GRB2: variants seen among roughly 807,000 people sequenced by gnomAD.
GRB2 encodes growth factor receptor-bound protein 2.
A neutral mutation model predicts 27.4 loss-of-function variants in GRB2; 2 were observed. That is an observed-to-expected ratio of 0.07 (90% confidence interval 0.03 to 0.23). The LOEUF is 0.23. Among genes scored for constraint, GRB2 ranks in the 10% least tolerant of loss-of-function variants. The pLI, the probability that GRB2 is intolerant of heterozygous loss-of-function variation, is 1.00. For synonymous variants in GRB2, 94 were observed against 99.6 expected (o/e 0.94, Z 0.33); for missense variants, 102 against 282.4 (o/e 0.36, Z 4.58).
At chr17:75,386,708 G>T (rs905612116) in intron 2 of GRB2, among the ~76,000 whole-genome samples, 11 of 152,188 alleles carry the variant, frequency 7.2e-5, no homozygotes, top group African/African-American at 2.2e-4. Context: ...AACATTTCTG[G>T]TCTACTCATA....
intron 2 of GRB2, among the ~76,000 whole-genome samples, chr17:75,345,235 G>A (rs967757375): frequency 2.0e-5 from 3 of 151,786 alleles, no homozygotes; most frequent in Non-Finnish European, 2.9e-5. Flanking sequence ...TAGTAGAGAC[G>A]GGGTTTCACC....
chr17:75,399,912 C>T (rs951461650), intron 1 of GRB2, among the ~76,000 whole-genome samples: 4 of 151,966 alleles, frequency 2.6e-5, no homozygotes, highest in African/African-American at 4.8e-5. Flanking sequence ...CCTCGTGATC[C>T]GCCTGCCTCA....
At chr17:75,344,001 GC>G (rs1406072494) in intron 2 of GRB2, among the ~76,000 whole-genome samples, 4 of 152,234 alleles carry the variant, frequency 2.6e-5, no homozygotes, top group African/African-American at 4.8e-5. Flanking sequence ...TTCCCAAGGA[GC>G]TTAGGGGACT....
At chr17:75,345,538 G>A (rs567690066) in intron 2 of GRB2, among the ~76,000 whole-genome samples, 25 of 152,242 alleles carry the variant, frequency 1.6e-4, no homozygotes, top group African/African-American at 5.8e-4. Flanking sequence ...CTCAAGGCTG[G>A]GGTCCTCCCA....
chr17:75,354,057 G>A (rs771759815), intron 2 of GRB2, among the ~76,000 whole-genome samples: 18 of 151,554 alleles, frequency 1.2e-4, no homozygotes, highest in Non-Finnish European at 1.9e-4. Flanking sequence ...AAACAAAAAC[G>A]AAAGGGTGCG....
chr17:75,347,382 C>A (rs184709401), intron 2 of GRB2, among the ~76,000 whole-genome samples: 5 of 152,260 alleles, frequency 3.3e-5, no homozygotes, highest in African/African-American at 1.2e-4. Context: ...ATCTACCTAC[C>A]CTTTCCGAAT....
At chr17:75,357,518 T>A (rs138810591) in intron 2 of GRB2, among the ~76,000 whole-genome samples, 29 of 152,334 alleles carry the variant, frequency 1.9e-4, no homozygotes, top group Admixed American at 1.0e-3. Flanking sequence ...AAAATAAAGT[T>A]GTCTTCTTTT....
chr17:75,390,712 G>C (rs540258697), intron 2 of GRB2, among the ~76,000 whole-genome samples: 2 of 152,322 alleles, frequency 1.3e-5, no homozygotes, highest in South Asian at 4.1e-4. Context: ...TGCTGGAGGA[G>C]AGGAGTCACC....
At chr17:75,374,276 C>T (rs1026365428) in intron 2 of GRB2, among the ~76,000 whole-genome samples, 9 of 150,756 alleles carry the variant, frequency 6.0e-5, no homozygotes, top group Non-Finnish European at 1.2e-4. Context: ...TAGTGGCGGG[C>T]GCCTATAATT....
At position 75,332,717 on chromosome 17, in the gene GRB2, T is replaced by C. The variant is rs1444599555; in HGVS notation, c.159A>G (p.Ile53Met). 1.2e-6 allele frequency: 2 copies of C among 1,605,410 alleles called. No individual in the cohort carries two copies. The highest frequency in any genetic ancestry group is 1.3e-5 in the African/African-American group (1 of 74,856). ...TAACTTACGGATGTGGTTTCATTTC[T>C]ATGTAGTTCTTGGGAATGAAGCCGT... ...GKDGFIPKNYIEMKPHPWFFG... is the reference protein window; with the variant it reads ...GKDGFIPKNYMEMKPHPWFFG... Residue 53 changes from isoleucine (I) to methionine (M), a missense_variant, in exon 3 of 6, where the codon ATA (isoleucine) becomes ATG (methionine). This residue lies in a region of GRB2 where 45 missense variants were observed against 110.6 expected (regional missense o/e 0.41). Transcript: ENST00000316804.
intron 1 of GRB2, among the ~76,000 whole-genome samples, chr17:75,401,845 C>T (rs2079065893): frequency 6.6e-6 from 1 of 152,222 alleles, no homozygotes; most frequent in South Asian, 2.1e-4. Context: ...TAATTATCCA[C>T]TATAGTGTGG....
intron 2 of GRB2, among the ~76,000 whole-genome samples, chr17:75,350,490 T>C (rs2145839638): frequency 6.6e-6 from 1 of 152,180 alleles, no homozygotes; most frequent in East Asian, 1.9e-4. Flanking sequence ...AACATTTATT[T>C]ATTTATTTTT....
rs1441058334 is a variant in GRB2 at position 75,326,006 on chromosome 17, T to C, written c.191A>G (p.Lys64Arg). 1 of 1,614,100 alleles carries C rather than the reference T, an allele frequency of 6.2e-7. No individual in the cohort carries two copies. ...EMKPHPWFFG[K>R]IPRAKAEEML... ...TTCTTCTGCCTTGGCTCTGGGGATT[T>C]TGCCAAAAAACCACCTAAGGAAGGA... is the stretch of plus-strand genomic sequence containing the variant. The change falls in exon 4 of 6, where the codon AAA becomes AGA. Residue 64 changes from lysine (K) to arginine (R), a missense_variant. Lys to Arg is a conservative substitution (Grantham distance 26). Coordinates refer to ENST00000316804, the MANE Select transcript of GRB2 (RefSeq NM_002086.5).
At position 75,375,355 on chromosome 17, in the gene GRB2, G is replaced by A. The variant is rs141193554; in HGVS notation, c.78+18196C>T. On this transcript the variant is annotated intron_variant, in intron 2 of 5. Transcript: ENST00000316804. ...GATTATGAATTATGATGAATTTCAT[G>A]GTAGTTAAATCCATTTGAACACAAT... Among the ~76,000 whole-genome samples the A allele has an allele frequency of 4.3e-3, 651 of 150,358 alleles. 5 individuals are homozygous for A. Among genetic ancestry groups the A allele is most frequent in the African/African-American group, 0.015 (613 of 41,222 alleles).
chr17:75,362,202 G>A (rs1336529685), intron 2 of GRB2, among the ~76,000 whole-genome samples: 2 of 152,114 alleles, frequency 1.3e-5, no homozygotes, highest in African/African-American at 4.8e-5. Context: ...GTCCTCAAAG[G>A]GGAGAGCCCC....
At chr17:75,329,464 G>A (rs375353003) in intron 3 of GRB2, among the ~76,000 whole-genome samples, 8 of 151,252 alleles carry the variant, frequency 5.3e-5, no homozygotes, top group East Asian at 3.9e-4. Flanking sequence ...TAAAATTAAC[G>A]CAATTTTATT....
chr17:75,396,323 T>C (rs746779318), intron 1 of GRB2, among the ~76,000 whole-genome samples: 7 of 152,024 alleles, frequency 4.6e-5, no homozygotes, highest in Non-Finnish European at 8.8e-5. Flanking sequence ...GCTTACTGCA[T>C]CCTTGATCTC....
At chr17:75,376,367 A>T (rs7221321) in intron 2 of GRB2, among the ~76,000 whole-genome samples, 4,437 of 142,116 alleles carry the variant, frequency 0.031, 123 homozygotes, top group African/African-American at 0.066. Flanking sequence ...AAAAAAAAAA[A>T]TTTTTTAACC....
intron 2 of GRB2, among the ~76,000 whole-genome samples, chr17:75,384,516 A>C (rs1045854214): frequency 1.3e-5 from 2 of 152,034 alleles, no homozygotes; most frequent in Non-Finnish European, 2.9e-5. Context: ...TAAAAATACA[A>C]AAAATAAGCC....
Sources: gnomAD v4.1 joint callset for allele counts (sites outside exome capture counted in the v4.1 genomes callset) on GRCh38, gnomAD v4.1.1 for gene constraint, gnomAD v4.1.1 regional missense constraint, MANE v1.5 for transcripts, NCBI Gene and HGNC (gene_info 2026-07-23, HGNC 2026-07-21) for gene names.